The following EPHA3 variants were observed in gnomAD, a reference collection of about 807,000 sequenced individuals.
EPHA3 encodes EPH receptor A3.
EPHA3 carries 42 observed loss-of-function variants against 107.1 expected under a neutral mutation model. That is an observed-to-expected ratio of 0.39 (90% CI 0.31 to 0.51). The LOEUF (loss-of-function observed/expected upper bound fraction) is 0.51. EPHA3 is among the 20% of genes least tolerant of loss of function. EPHA3 has a pLI of 0.78. For synonymous variants in EPHA3, 461 were observed against 424.8 expected, an observed-to-expected ratio of 1.09 and a Z score of -1.05; for missense variants, 1,183 against 1,211.2, an observed-to-expected ratio of 0.98 and a Z score of 0.35.
intron 3 of EPHA3, among the ~76,000 whole-genome samples, chr3:89,226,569 A>G (rs1476538434): frequency 1.3e-5 from 2 of 152,108 alleles, no homozygotes; most frequent in African/African-American, 2.4e-5. Flanking sequence ...CTAATTTAAG[A>G]GCTCTTCAAT....
At position 89,431,232 on chromosome 3, in the gene EPHA3, T is replaced by C; in HGVS notation, c.2219T>C (p.Met740Thr). 1 of 1,613,946 alleles carries C rather than the reference T, an allele frequency of 6.2e-7. No homozygotes were observed. The highest frequency in any genetic ancestry group is 8.5e-7 in the Non-Finnish European group (1 of 1,179,956). ...TCTGGCATGAAGTACCTGTCAGACA[T>C]GGGCTATGTTCACCGAGACCTCGCT... Reference protein sequence around the residue: ...IASGMKYLSDMGYVHRDLAAR... With the variant: ...IASGMKYLSDTGYVHRDLAAR... The change falls in exon 13 of 17, where the codon ATG becomes ACG. Residue 740 changes from methionine (M) to threonine (T), a missense_variant. By Grantham distance (81) the Met-to-Thr change is moderately conservative. Coordinates refer to ENST00000336596, the MANE Select transcript of EPHA3 (RefSeq NM_005233.6).
intron 3 of EPHA3, among the ~76,000 whole-genome samples, chr3:89,227,747 T>C (rs544818753): frequency 3.9e-5 from 6 of 152,000 alleles, no homozygotes; most frequent in Non-Finnish European, 8.8e-5. Flanking sequence ...AAATTCACTA[T>C]AATAATTCAG....
intron 3 of EPHA3, among the ~76,000 whole-genome samples, chr3:89,243,002 G>A (rs1468025854): frequency 6.7e-6 from 1 of 149,170 alleles, no homozygotes; most frequent in African/African-American, 2.5e-5. Flanking sequence ...AGAACATGCG[G>A]TGTTTGGTTT....
chr3:89,249,230 C>T (rs1458057302), intron 3 of EPHA3, among the ~76,000 whole-genome samples: 8 of 152,146 alleles, frequency 5.3e-5, no homozygotes, highest in Non-Finnish European at 7.4e-5. Flanking sequence ...GGTTTTGTCT[C>T]CTTCCTCATT....
At chr3:89,172,351 G>T in intron 2 of EPHA3, among the ~76,000 whole-genome samples, 1 of 152,106 alleles carries the variant, frequency 6.6e-6, no homozygotes, top group East Asian at 1.9e-4. Flanking sequence ...CTGGGAAGAG[G>T]GCTGTTTGGG....
chr3:89,410,478 C>T (rs761428534), intron 9 of EPHA3, among the ~76,000 whole-genome samples: 18 of 151,946 alleles, frequency 1.2e-4, no homozygotes, highest in African/African-American at 3.6e-4. Context: ...ATCTCCCCCA[C>T]GTTAATTTCC....
intron 5 of EPHA3, among the ~76,000 whole-genome samples, chr3:89,350,862 TG>T (rs1328459422): frequency 6.6e-6 from 1 of 151,220 alleles, no homozygotes; most frequent in African/African-American, 2.4e-5. Context: ...GCAGGTCTGT[TG>T]GAATACCCTG....
chr3:89,190,002 G>C (rs563803987), intron 2 of EPHA3, among the ~76,000 whole-genome samples: 94 of 152,200 alleles, frequency 6.2e-4, no homozygotes, highest in Admixed American at 6.2e-3. Context: ...CAGGTACCTC[G>C]TTCAGAAATT....
chr3:89,370,519 A>AG (rs965037781), intron 5 of EPHA3, among the ~76,000 whole-genome samples: 1 of 142,692 alleles, frequency 7.0e-6, no homozygotes, highest in Non-Finnish European at 1.5e-5. Flanking sequence ...GGGTGGGAGG[A>AG]GGGGGGAGGG....
At chr3:89,254,649 C>A (rs1471516252) in intron 3 of EPHA3, among the ~76,000 whole-genome samples, 1 of 152,204 alleles carries the variant, frequency 6.6e-6, no homozygotes, top group Non-Finnish European at 1.5e-5. Context: ...CACCCCACTC[C>A]CTTATCCTTA....
intron 11 of EPHA3, among the ~76,000 whole-genome samples, chr3:89,420,841 C>A (rs772933078): frequency 6.6e-6 from 1 of 151,408 alleles, no homozygotes; most frequent in Non-Finnish European, 1.5e-5. Context: ...ATTCTTCTAA[C>A]TCTCAATTTT....
chr3:89,211,344 A>C (rs1036074414), intron 3 of EPHA3, among the ~76,000 whole-genome samples: 1 of 152,020 alleles, frequency 6.6e-6, no homozygotes, highest in African/African-American at 2.4e-5. Context: ...TTAATCCCAA[A>C]ATTTACTTAG....
chr3:89,476,585 T>TTTTA (rs60237041), intron 16 of EPHA3, among the ~76,000 whole-genome samples: 2,945 of 129,056 alleles, frequency 0.023, 54 homozygotes, highest in African/African-American at 0.048. Context: ...CTATTATTAT[T>TTTTA]TTTATTTATT....
At chr3:89,252,255 A>G (rs1158509436) in intron 3 of EPHA3, among the ~76,000 whole-genome samples, 1 of 152,216 alleles carries the variant, frequency 6.6e-6, no homozygotes, top group Admixed American at 6.5e-5. Flanking sequence ...GAAATGTTGA[A>G]TTCCACGACT....
Position 89,107,752 on chromosome 3 carries a change from G to GA in EPHA3, c.5dup (p.Asp2GlufsTer28). ...CACTGCCCTCTGCACCAGCAACATG[G>GA]ATTGTCAGCTCTCCATCCTCCTCCT... On this transcript the variant is annotated frameshift_variant, in exon 1 of 17. Coordinates refer to ENST00000336596, the MANE Select transcript of EPHA3 (RefSeq NM_005233.6). LOFTEE classifies it high-confidence loss of function. The GA allele has an allele frequency of 6.2e-7, 1 of 1,614,096 alleles. No homozygotes were observed. The highest frequency in any genetic ancestry group is 8.5e-7 in the Non-Finnish European group (1 of 1,179,972).
intron 5 of EPHA3, among the ~76,000 whole-genome samples, chr3:89,387,832 C>A (rs968710071): frequency 6.6e-6 from 1 of 151,904 alleles, no homozygotes; most frequent in Non-Finnish European, 1.5e-5. Flanking sequence ...TTTTTTATTT[C>A]TCCACGCTGA....
At chr3:89,302,049 C>T (rs773118259) in intron 3 of EPHA3, among the ~76,000 whole-genome samples, 6 of 151,912 alleles carry the variant, frequency 3.9e-5, no homozygotes, top group Non-Finnish European at 8.8e-5. Context: ...TTGTCCTATG[C>T]GGACAATTTA....
chr3:89,436,979 A>G (rs1474408302), intron 13 of EPHA3, among the ~76,000 whole-genome samples: 1 of 152,146 alleles, frequency 6.6e-6, no homozygotes, highest in Non-Finnish European at 1.5e-5. Flanking sequence ...GAAATTGCAA[A>G]TGTTGATATT....
chr3:89,229,649 A>G (rs1704582881), intron 3 of EPHA3, among the ~76,000 whole-genome samples: 1 of 151,848 alleles, frequency 6.6e-6, no homozygotes, highest in South Asian at 2.1e-4. Context: ...AAATAAATAA[A>G]CTATTAAGTT....
Sources: allele counts gnomAD v4.1 joint callset (sites outside exome capture counted in the v4.1 genomes callset), GRCh38; gene constraint gnomAD v4.1.1; transcripts MANE v1.5; gene names NCBI Gene and HGNC (gene_info 2026-07-23, HGNC 2026-07-21).